The following PDE8A variants were observed in gnomAD, a reference collection of about 807,000 sequenced individuals.
PDE8A encodes the protein high affinity cAMP-specific and IBMX-insensitive 3',5'-cyclic phosphodiesterase 8A.
PDE8A carries 59 observed loss-of-function variants against 105.0 expected under a neutral mutation model. The ratio of observed to expected loss-of-function variants is 0.56; its 90% CI spans 0.46 to 0.70. The LOEUF is 0.70. Ranked by LOEUF, PDE8A falls within the 30% of genes least tolerant of loss-of-function variation. The pLI is 0.00. For missense variants in PDE8A, 1,014 were observed against 1,045.9 expected, an observed-to-expected ratio of 0.97 and a Z score of 0.42; for synonymous variants, 355 against 371.9, an observed-to-expected ratio of 0.95 and a Z score of 0.52.
At chr15:85,137,276 G>A (rs1480690184) in intron 21 of PDE8A, among the ~76,000 whole-genome samples, 1 of 152,206 alleles carries the variant, frequency 6.6e-6, no homozygotes, top group East Asian at 1.9e-4. Context: ...AAGCAGTGGA[G>A]CTAGATAGCT....
intron 1 of PDE8A, among the ~76,000 whole-genome samples, chr15:85,060,007 C>T (rs1043708159): frequency 6.6e-6 from 1 of 152,144 alleles, no homozygotes; most frequent in African/African-American, 2.4e-5. Context: ...GACCCTGTCC[C>T]TAAAAATAAA....
chr15:85,072,545 C>G (rs192660324), intron 3 of PDE8A, among the ~76,000 whole-genome samples: 3 of 152,302 alleles, frequency 2.0e-5, no homozygotes, highest in Admixed American at 2.0e-4. Context: ...GGAGCATTCC[C>G]TTTTTCCTGC....
chr15:85,103,685 C>G (rs2081902452), intron 11 of PDE8A, among the ~76,000 whole-genome samples: 1 of 152,220 alleles, frequency 6.6e-6, no homozygotes, highest in Non-Finnish European at 1.5e-5. Flanking sequence ...GGAAGCTGAG[C>G]AATTGTCCCC....
At chr15:85,009,104 AGAGAGAGTGTGTGTGT>A (rs35007697) in intron 1 of PDE8A, among the ~76,000 whole-genome samples, 76,116 of 141,768 alleles carry the variant, frequency 0.54, 19,542 homozygotes, top group Non-Finnish European at 0.58. Context: ...AGAGAGAGAG[AGAGAGAGTGTGTGTGT>A]GTGTGTGTGT....
chr15:85,113,280 C>T lies in PDE8A; in HGVS notation c.1115-97C>T, dbSNP rs960224309. On this transcript the variant is annotated intron_variant, in intron 12 of 21. Transcript: ENST00000394553. ...GCTCAGCAAACTCAGTTCTATCCTG[C>T]CCCTTCATCATGCAGCCGAGCACAC... is the stretch of plus-strand genomic sequence containing the variant. 6 of 973,824 alleles carry T rather than the reference C, an allele frequency of 6.2e-6. No individual in the cohort carries two copies. In the East Asian group the frequency reaches 7.2e-5, roughly 12 times the overall value. The allele number at this position is 973,824 out of a possible 1,614,324, so 60.3% of individuals were successfully genotyped here.
Position 85,097,996 on chromosome 15 carries a change from C to G in PDE8A, c.901C>G (p.Gln301Glu). The G allele has an allele frequency of 6.2e-7, 1 of 1,604,036 alleles. No homozygotes were observed. Among genetic ancestry groups the G allele is most frequent in the Non-Finnish European group, 8.5e-7 (1 of 1,171,164 alleles). ...CAAAAAGAAAAACGGAGATAATATA[C>G]AACAAAATGTGAAGATAATACCTGT... ...YAKKKNGDNI[Q>E]QNVKIIPVIG... The change falls in exon 9 of 22, where the codon CAA (glutamine) becomes GAA (glutamate). Residue 301 changes from glutamine (Q) to glutamate (E), a missense_variant. Transcript: ENST00000394553.
rs1158475238 is a variant in PDE8A, at chr15:85,117,882, T to G, written c.1734+43T>G. 2.2e-5 allele frequency: 33 copies of G among 1,468,976 alleles called. No homozygotes were observed. In the Admixed American group the frequency reaches 5.5e-4, roughly 25 times the overall value. The allele number at this position is 1,468,976 out of a possible 1,614,324, so 91.0% of individuals were successfully genotyped here. On this transcript the variant is annotated intron_variant, in intron 17 of 21. Transcript: ENST00000394553. ...TGCCACATTTAATGGGCAGGAGCAG[T>G]GGGGAGAGTCTAGTGCTTCTGCCTC...
intron 21 of PDE8A, among the ~76,000 whole-genome samples, chr15:85,137,478 C>T (rs546986707): frequency 6.6e-6 from 1 of 152,122 alleles, no homozygotes; most frequent in Non-Finnish European, 1.5e-5. Flanking sequence ...GGCAGGGGCA[C>T]ACTACATACT....
At chr15:85,093,468 GGAGACCA>G (rs2081683872) in intron 8 of PDE8A, among the ~76,000 whole-genome samples, 1 of 152,214 alleles carries the variant, frequency 6.6e-6, no homozygotes, top group Non-Finnish European at 1.5e-5. Context: ...GGCATCTGCT[GGAGACCA>G]GCATTGCAGA....
chr15:85,066,765 C>G (rs1260684919), intron 2 of PDE8A, among the ~76,000 whole-genome samples: 1 of 151,976 alleles, frequency 6.6e-6, no homozygotes, highest in Non-Finnish European at 1.5e-5. Context: ...ATGGCAAAAC[C>G]CCGTCTCTAC....
intron 1 of PDE8A, among the ~76,000 whole-genome samples, chr15:85,049,747 G>C (rs1377352830): frequency 6.6e-6 from 1 of 152,116 alleles, no homozygotes. Context: ...AGACACTTGG[G>C]CTGTTTTCAT....
At chr15:85,072,441 T>A (rs1319899869) in intron 3 of PDE8A, among the ~76,000 whole-genome samples, 3 of 152,220 alleles carry the variant, frequency 2.0e-5, no homozygotes, top group Non-Finnish European at 4.4e-5. Flanking sequence ...GCTGGGCATA[T>A]GGCTACCTAG....
At chr15:85,029,195 C>T (rs2080570218) in intron 1 of PDE8A, among the ~76,000 whole-genome samples, 1 of 151,988 alleles carries the variant, frequency 6.6e-6, no homozygotes, top group Non-Finnish European at 1.5e-5. Flanking sequence ...TTAATAATAG[C>T]CGATGTTTTG....
intron 1 of PDE8A, among the ~76,000 whole-genome samples, chr15:85,037,482 A>G (rs1423327878): frequency 6.6e-6 from 1 of 152,182 alleles, no homozygotes; most frequent in Non-Finnish European, 1.5e-5. Flanking sequence ...TATACTATAG[A>G]TTAGTTTTGC....
At chr15:85,080,463 T>C (rs1281208129) in intron 5 of PDE8A, among the ~76,000 whole-genome samples, 1 of 152,206 alleles carries the variant, frequency 6.6e-6, no homozygotes, top group East Asian at 1.9e-4. Flanking sequence ...CCTTAGAAGC[T>C]TCCACTTTCT....
chr15:85,119,519 C>T (rs375526793), intron 17 of PDE8A, among the ~76,000 whole-genome samples: 46 of 139,514 alleles, frequency 3.3e-4, no homozygotes, highest in African/African-American at 1.1e-3. Flanking sequence ...ATACTATTTG[C>T]GCACTTAAAA....
chr15:84,994,949 C>T (rs552611848), intron 1 of PDE8A, among the ~76,000 whole-genome samples: 5 of 145,632 alleles, frequency 3.4e-5, no homozygotes, highest in South Asian at 2.2e-4. Flanking sequence ...GCAACAAGGG[C>T]GAAACTCTGT....
At chr15:85,036,226 G>T (rs1158394664) in intron 1 of PDE8A, among the ~76,000 whole-genome samples, 1 of 152,194 alleles carries the variant, frequency 6.6e-6, no homozygotes, top group Non-Finnish European at 1.5e-5. Context: ...GTCAGGTACT[G>T]CATTCCCTGT....
At chr15:85,068,082 C>T (rs1015195648) in intron 3 of PDE8A, among the ~76,000 whole-genome samples, 1 of 151,980 alleles carries the variant, frequency 6.6e-6, no homozygotes, top group African/African-American at 2.4e-5. Context: ...CACTCTGTAA[C>T]CCAGTCTGGA....
Sources: gnomAD v4.1 joint callset for allele counts (sites outside exome capture counted in the v4.1 genomes callset) on GRCh38, gnomAD v4.1.1 for gene constraint, MANE v1.5 for transcripts, NCBI Gene and HGNC (gene_info 2026-07-23, HGNC 2026-07-21) for gene names.